The following SCD5 variants were observed in gnomAD, a reference collection of about 807,000 sequenced individuals.
SCD5 encodes acyl-CoA-desaturase 4.
A neutral mutation model predicts 30.4 loss-of-function variants in SCD5; 20 were observed. That is an observed-to-expected ratio of 0.66 (90% confidence interval 0.46 to 0.96). The LOEUF (loss-of-function observed/expected upper bound fraction) is 0.96, where lower values mean the gene tolerates loss of function less well. Ranked by LOEUF, SCD5 falls within the 40% of genes least tolerant of loss-of-function variation. The pLI, the probability that SCD5 is intolerant of heterozygous loss-of-function variation, is 0.00. For missense variants in SCD5, 381 were observed against 443.3 expected, an observed-to-expected ratio of 0.86 and a Z score of 1.26; for synonymous variants, 173 against 176.4, an observed-to-expected ratio of 0.98 and a Z score of 0.16.
chr4:82,696,318 C>T (rs920860199), intron 2 of SCD5, among the ~76,000 whole-genome samples: 3 of 152,144 alleles, frequency 2.0e-5, no homozygotes, highest in African/African-American at 4.8e-5. Context: ...CTGAGATAAT[C>T]CCGTGACGAG....
At chr4:82,762,575 C>A (rs1721399984) in intron 1 of SCD5, among the ~76,000 whole-genome samples, 1 of 152,146 alleles carries the variant, frequency 6.6e-6, no homozygotes, top group Admixed American at 6.5e-5. Context: ...TAGGTCCAGT[C>A]TCCTAACATT....
At chr4:82,655,134 G>A (rs754764373) in intron 3 of SCD5, among the ~76,000 whole-genome samples, 5 of 152,036 alleles carry the variant, frequency 3.3e-5, no homozygotes, top group Non-Finnish European at 7.4e-5. Flanking sequence ...TGTCACTTTC[G>A]TATACAAATT....
intron 1 of SCD5, among the ~76,000 whole-genome samples, chr4:82,777,798 G>C (rs903694057): frequency 5.9e-5 from 9 of 152,106 alleles, no homozygotes; most frequent in African/African-American, 2.2e-4. Context: ...TTCTCGGCCA[G>C]TGTTTAAAAC....
chr4:82,724,258 T>C (rs757028629), intron 1 of SCD5, among the ~76,000 whole-genome samples: 2 of 152,222 alleles, frequency 1.3e-5, no homozygotes, highest in Non-Finnish European at 2.9e-5. Context: ...AGGTCTAACA[T>C]TAACACCAAC....
At position 82,631,229 on chromosome 4, in the gene SCD5, T is replaced by G; in HGVS notation, c.*98A>C. Reference sequence around the variant, plus strand: ...ACATTGACTCGTTCCTTCCCCACCCTCTGCCCCCTCCCACGATCCAATGTA... The same window carrying G: ...ACATTGACTCGTTCCTTCCCCACCCGCTGCCCCCTCCCACGATCCAATGTA... On this transcript the variant is annotated 3_prime_UTR_variant, in exon 5 of 5. Coordinates refer to ENST00000319540, the MANE Select transcript of SCD5 (RefSeq NM_001037582.3). The G allele has an allele frequency of 3.5e-6, 3 of 849,504 alleles. No individual in the cohort carries two copies. Among genetic ancestry groups the G allele is most frequent in the Non-Finnish European group, 5.2e-6 (3 of 574,486 alleles). The allele number at this position is 849,504 out of a possible 1,614,324, so 52.6% of individuals were successfully genotyped here. A position where few individuals can be genotyped will look rare whatever the true frequency, so the allele number is the denominator to read the frequency against.
chr4:82,796,134 G>A (rs1560566140), intron 1 of SCD5, among the ~76,000 whole-genome samples: 2 of 152,038 alleles, frequency 1.3e-5, no homozygotes, highest in Non-Finnish European at 2.9e-5. Context: ...GCCGGGCGTG[G>A]TGGCGGGCAC....
At chr4:82,637,329 T>C (rs929542033) in intron 3 of SCD5, among the ~76,000 whole-genome samples, 3 of 152,228 alleles carry the variant, frequency 2.0e-5, no homozygotes, top group Admixed American at 2.0e-4. Context: ...ACAAGTTCTC[T>C]GTCCATCAGA....
At chr4:82,764,608 ACTT>A (rs1421557534) in intron 1 of SCD5, among the ~76,000 whole-genome samples, 2 of 151,928 alleles carry the variant, frequency 1.3e-5, no homozygotes, top group Non-Finnish European at 2.9e-5. Flanking sequence ...ACAACAACCT[ACTT>A]CATTTCCCCC....
chr4:82,669,344 G>A (rs375138102), intron 3 of SCD5, among the ~76,000 whole-genome samples: 1 of 150,820 alleles, frequency 6.6e-6, no homozygotes, highest in Non-Finnish European at 1.5e-5. Context: ...TCCAGTTTCC[G>A]GTTCCACATG....
At chr4:82,663,709 T>C (rs1239733956) in intron 3 of SCD5, among the ~76,000 whole-genome samples, 1 of 152,170 alleles carries the variant, frequency 6.6e-6, no homozygotes, top group Admixed American at 6.5e-5. Flanking sequence ...TTCTGGCCCT[T>C]AGGACTGGGC....
At chr4:82,687,590 C>A (rs1728739756) in intron 2 of SCD5, among the ~76,000 whole-genome samples, 1 of 152,220 alleles carries the variant, frequency 6.6e-6, no homozygotes, top group Non-Finnish European at 1.5e-5. Context: ...AATCACACGT[C>A]AAGTGGTGTG....
chr4:82,797,332 C>T lies in SCD5; in HGVS notation c.232+974G>A, dbSNP rs142024127. On this transcript the variant is annotated intron_variant, in intron 1 of 4. Coordinates refer to ENST00000319540, the MANE Select transcript of SCD5 (RefSeq NM_001037582.3). ...CAAATTCTCACTCAGCATATCAATG[C>T]CTGTGCCTTTTGTCCTGGCTACTGC... 5.9e-5 allele frequency among the ~76,000 whole-genome samples: 9 copies of T among 152,306 alleles called. No individual in the cohort carries two copies. In the East Asian group the frequency reaches 1.7e-3, roughly 29 times the overall value.
chr4:82,631,595 G>C, intron 4 of SCD5, 78 bp from the exon 5 acceptor site: 1 of 1,487,578 alleles, frequency 6.7e-7, no homozygotes, highest in South Asian at 1.3e-5. Flanking sequence ...TATTTTTTCA[G>C]GGTTTACCAT....
chr4:82,715,502 C>A (rs141598735), intron 1 of SCD5, among the ~76,000 whole-genome samples: 1 of 151,338 alleles, frequency 6.6e-6, no homozygotes, highest in Non-Finnish European at 1.5e-5. Flanking sequence ...ACAAGTTACT[C>A]ATCACTCTGG....
At chr4:82,673,963 G>A (rs1227064616) in intron 3 of SCD5, among the ~76,000 whole-genome samples, 3 of 152,090 alleles carry the variant, frequency 2.0e-5, no homozygotes, top group African/African-American at 7.2e-5. Context: ...GCGAAAAAAT[G>A]AATTCAGACA....
intron 1 of SCD5, among the ~76,000 whole-genome samples, chr4:82,717,428 T>C (rs73829977): frequency 0.026 from 3,916 of 151,834 alleles, 254 homozygotes; most frequent in African/African-American, 0.091. Context: ...TTAGGGAAAA[T>C]TGAGAACAAA....
intron 1 of SCD5, among the ~76,000 whole-genome samples, chr4:82,722,422 T>G (rs567678571): frequency 6.6e-6 from 1 of 152,304 alleles, no homozygotes; most frequent in Admixed American, 6.5e-5. Context: ...GATAAGATGG[T>G]ATAGTTAGAA....
intron 3 of SCD5, among the ~76,000 whole-genome samples, chr4:82,641,736 G>A (rs558265512): frequency 2.0e-5 from 3 of 152,154 alleles, no homozygotes; most frequent in Non-Finnish European, 4.4e-5. Flanking sequence ...ACATGATCCA[G>A]GTTAAAGAAT....
At chr4:82,648,209 TG>T (rs758289547) in intron 3 of SCD5, among the ~76,000 whole-genome samples, 12 of 152,188 alleles carry the variant, frequency 7.9e-5, no homozygotes, top group Non-Finnish European at 1.8e-4. Context: ...GGGAGATGTT[TG>T]GGGGAAGAAT....
Sources: allele counts gnomAD v4.1 joint callset (sites outside exome capture counted in the v4.1 genomes callset), GRCh38; gene constraint gnomAD v4.1.1; transcripts MANE v1.5; gene names NCBI Gene and HGNC (gene_info 2026-07-23, HGNC 2026-07-21).